Variants in ARHGEF33 observed in about 807,000 individuals in gnomAD.
ARHGEF33 encodes Rho guanine nucleotide exchange factor 33, also known as DH and coiled-coil domain-containing protein ENSP00000381780.
Under a neutral mutation model 101.9 loss-of-function variants are expected in ARHGEF33, and 72 were observed. The observed-to-expected ratio is 0.71, with a 90% CI of 0.58 to 0.86. The LOEUF is 0.86. Ranked by LOEUF, ARHGEF33 falls within the 40% of genes least tolerant of loss-of-function variation. ARHGEF33 has a pLI of 0.00. For missense variants in ARHGEF33, 1,169 were observed against 1,111.3 expected, an observed-to-expected ratio of 1.05 and a Z score of -0.74; for synonymous variants, 499 against 442.5, an observed-to-expected ratio of 1.13 and a Z score of -1.60.
At position 38,937,358 on chromosome 2, in the gene ARHGEF33, G is replaced by T; in HGVS notation, c.589G>T (p.Ala197Ser). ...GPGVNPTTPE[A>S]EENLKSCLSA... Reference sequence around the variant, plus strand: ...AGGAGTGAACCCAACAACTCCAGAAGCAGAAGAAAACCTCAAGTCTTGCCT... The same window carrying T: ...AGGAGTGAACCCAACAACTCCAGAATCAGAAGAAAACCTCAAGTCTTGCCT... The change falls in exon 9 of 18, where the codon GCA (alanine) becomes TCA (serine). Residue 197 changes from alanine (A) to serine (S), a missense_variant. Physicochemically the swap from Ala to Ser is moderately conservative, Grantham distance 99. Transcript: ENST00000409978. 6.6e-7 allele frequency: 1 copy of T among 1,505,790 alleles called. No individual in the cohort carries two copies. 93.3% of individuals were successfully genotyped at this position (1,505,790 alleles called of 1,614,324 possible).
intron 10 of ARHGEF33, among the ~76,000 whole-genome samples, chr2:38,950,596 C>T (rs898398651): frequency 6.6e-6 from 1 of 152,172 alleles, no homozygotes; most frequent in African/African-American, 2.4e-5. Context: ...GAATTAGGTG[C>T]ATGCCACCAT....
chr2:38,905,699 T>A (rs1384205817), intron 2 of ARHGEF33, among the ~76,000 whole-genome samples: 3 of 152,194 alleles, frequency 2.0e-5, no homozygotes, highest in Non-Finnish European at 4.4e-5. Flanking sequence ...AAAATTTTCA[T>A]AGATTGCATT....
chr2:38,962,376 G>A (rs1213940669), intron 16 of ARHGEF33, among the ~76,000 whole-genome samples: 1 of 152,120 alleles, frequency 6.6e-6, no homozygotes, highest in South Asian at 2.1e-4. Flanking sequence ...GTTGATTTGT[G>A]AAAAATTTGG....
intron 4 of ARHGEF33, among the ~76,000 whole-genome samples, chr2:38,928,515 CAG>C (rs1666922633): frequency 6.6e-6 from 1 of 152,062 alleles, no homozygotes. Flanking sequence ...TCATAATAAC[CAG>C]AGAGAATATG....
intron 2 of ARHGEF33, among the ~76,000 whole-genome samples, chr2:38,911,595 AT>A (rs1477753969): frequency 5.3e-5 from 8 of 152,134 alleles, no homozygotes; most frequent in African/African-American, 1.9e-4. Context: ...ATTTAAAAAA[AT>A]TTTTCTGAAT....
chr2:38,925,797 T>G (rs1666856711), intron 4 of ARHGEF33, among the ~76,000 whole-genome samples: 1 of 152,120 alleles, frequency 6.6e-6, no homozygotes, highest in East Asian at 1.9e-4. Context: ...AACCTTGACA[T>G]TTATGACTTT....
chr2:38,921,350 A>T, intron 3 of ARHGEF33, 24 bp from the exon 4 acceptor site: 1 of 1,474,202 alleles, frequency 6.8e-7, no homozygotes, highest in South Asian at 1.2e-5. Flanking sequence ...AGTGTTGATT[A>T]AACAAAGCTC....
chr2:38,951,466 G>A (rs1354328906), intron 11 of ARHGEF33, among the ~76,000 whole-genome samples: 3 of 152,026 alleles, frequency 2.0e-5, no homozygotes, highest in African/African-American at 4.8e-5. Flanking sequence ...TTATATAAAT[G>A]TATGTATATA....
intron 10 of ARHGEF33, among the ~76,000 whole-genome samples, chr2:38,944,690 G>A (rs568765483): frequency 1.5e-4 from 23 of 152,304 alleles, no homozygotes; most frequent in South Asian, 6.2e-4. Context: ...TGAGGGAGGC[G>A]TTGGTCTCTG....
chr2:38,943,811 A>ATTGAAAGG (rs2124402093), intron 9 of ARHGEF33, 90 bp from the exon 10 acceptor site: 3 of 1,326,860 alleles, frequency 2.3e-6, no homozygotes, highest in South Asian at 2.8e-5. Context: ...TATTGCTTTC[A>ATTGAAAGG]ATATCCTTTT....
At chr2:38,957,676 G>A (rs888313808) in intron 14 of ARHGEF33, among the ~76,000 whole-genome samples, 4 of 152,162 alleles carry the variant, frequency 2.6e-5, no homozygotes, top group Non-Finnish European at 5.9e-5. Flanking sequence ...GCTTCCTAAT[G>A]ACCTGGATTT....
At chr2:38,967,124 T>G (rs902682810) in intron 17 of ARHGEF33, among the ~76,000 whole-genome samples, 2 of 152,254 alleles carry the variant, frequency 1.3e-5, no homozygotes, top group African/African-American at 4.8e-5. Flanking sequence ...AATCACCTTT[T>G]CCTTGAAGGT....
intron 16 of ARHGEF33, among the ~76,000 whole-genome samples, chr2:38,965,744 C>T (rs1668037642): frequency 6.6e-6 from 1 of 152,178 alleles, no homozygotes. Context: ...TTCTTTATTT[C>T]CTTATCTTTA....
At chr2:38,928,852 G>T in intron 4 of ARHGEF33, 55 bp from the exon 5 acceptor site, 1 of 1,475,256 alleles carries the variant, frequency 6.8e-7, no homozygotes, top group Non-Finnish European at 9.1e-7. Flanking sequence ...AGGTCCAATG[G>T]TGCCACTTAC....
chr2:38,936,623 A>C (rs1667138186), intron 8 of ARHGEF33, among the ~76,000 whole-genome samples: 1 of 152,192 alleles, frequency 6.6e-6, no homozygotes, highest in African/African-American at 2.4e-5. Flanking sequence ...TTTAATCCTT[A>C]ATTGGTATAT....
At chr2:38,929,633 TG>T (rs1320763753) in intron 5 of ARHGEF33, 75 bp from the exon 6 acceptor site, 1 of 1,182,134 alleles carries the variant, frequency 8.5e-7, no homozygotes, top group Non-Finnish European at 1.2e-6. Flanking sequence ...GTATTAAAAG[TG>T]TACAGTGTGC....
intron 2 of ARHGEF33, among the ~76,000 whole-genome samples, chr2:38,905,134 A>G (rs1242323333): frequency 6.6e-6 from 1 of 152,132 alleles, no homozygotes; most frequent in African/African-American, 2.4e-5. Flanking sequence ...GCCCAGTGAC[A>G]TTATTCGTTG....
intron 1 of ARHGEF33, among the ~76,000 whole-genome samples, chr2:38,894,226 A>AGGAGGCTG: frequency 6.6e-6 from 1 of 152,002 alleles, no homozygotes; most frequent in Non-Finnish European, 1.5e-5. Flanking sequence ...CCAGCTACTC[A>AGGAGGCTG]GAGGCTGAGG....
chr2:38,897,160 C>A (rs574262846), intron 2 of ARHGEF33, among the ~76,000 whole-genome samples: 1 of 152,044 alleles, frequency 6.6e-6, no homozygotes, highest in Non-Finnish European at 1.5e-5. Context: ...GTGGTCCGCC[C>A]GCCTCGGCCT....
Sources: gnomAD v4.1 joint callset for allele counts (sites outside exome capture counted in the v4.1 genomes callset) on GRCh38, gnomAD v4.1.1 for gene constraint, MANE v1.5 for transcripts, NCBI Gene and HGNC (gene_info 2026-07-23, HGNC 2026-07-21) for gene names.